Variants in SPECC1 observed in about 807,000 individuals in gnomAD.
SPECC1 encodes sperm antigen with calponin homology and coiled-coil domains 1, also known as cytospin-B.
SPECC1 carries 62 observed loss-of-function variants against 104.1 expected under a neutral mutation model. The observed-to-expected ratio is 0.60, with a 90% CI of 0.49 to 0.74. The LOEUF (loss-of-function observed/expected upper bound fraction) is 0.74. Ranked by LOEUF, SPECC1 falls within the 30% of genes least tolerant of loss-of-function variation. The probability of loss-of-function intolerance (pLI) is 0.00; values close to 1 mark genes in which losing one functional copy is unlikely to be tolerated. For synonymous variants in SPECC1, 513 were observed against 501.6 expected (o/e 1.02, Z -0.30); for missense variants, 1,306 against 1,310.5 (o/e 1.00, Z 0.05).
rs563252148 is a variant in SPECC1, at chr17:20,191,166, A to G, written c.284-13167A>G. On this transcript the variant is annotated intron_variant, in intron 3 of 14. Transcript: ENST00000395527. ...TGGTTGCTTCCAAGTTTTGGCAGTTATGAGTAAAGCTGCTGTAAAGATCCA... is the reference window on the plus strand; with the variant it reads ...TGGTTGCTTCCAAGTTTTGGCAGTTGTGAGTAAAGCTGCTGTAAAGATCCA... Among the ~76,000 whole-genome samples, 8 of 152,316 alleles carry G rather than the reference A, an allele frequency of 5.3e-5. No homozygotes were observed. The East Asian group carries it at 1.5e-3, about 29-fold the overall frequency.
chr17:20,096,946 C>A, intron 2 of SPECC1, 148 bp downstream of exon 2: 2 of 1,053,720 alleles, frequency 1.9e-6, no homozygotes, highest in Non-Finnish European at 2.8e-6. Flanking sequence ...CATGCCTGGA[C>A]ATGAAGGAAT....
In SPECC1 at chr17:20,232,340, G is replaced by C. The variant is rs1250318773; in HGVS notation, c.2286G>C (p.Arg762=). 1.2e-6 allele frequency: 2 copies of C among 1,614,056 alleles called. No individual in the cohort carries two copies. The highest frequency in any genetic ancestry group is 2.7e-5 in the African/African-American group (2 of 75,032). Residue 762 remains arginine (R), a synonymous_variant, in exon 7 of 15, where the codon CGG becomes CGC. Coordinates refer to ENST00000395527, the MANE Select transcript of SPECC1 (RefSeq NM_001243439.2). Reference sequence around the variant, plus strand: ...TGGAGGAGGAGGAGAAGAATGCCCGGTTGCAGAAGGAGCTGGGGGATGTGC... The same window carrying C: ...TGGAGGAGGAGGAGAAGAATGCCCGCTTGCAGAAGGAGCTGGGGGATGTGC... ...KLLEEEEKNA[R]LQKELGDVQG...
At chr17:20,021,011 G>A (rs182557015) in intron 1 of SPECC1, among the ~76,000 whole-genome samples, 13 of 152,284 alleles carry the variant, frequency 8.5e-5, no homozygotes, top group East Asian at 1.9e-4. Context: ...TTTATTTTGC[G>A]TGTGATGTGT....
At chr17:20,017,320 G>A (rs962715543) in intron 1 of SPECC1, 3 of 152,572 alleles carry the variant, frequency 2.0e-5, no homozygotes, top group Non-Finnish European at 4.4e-5. Flanking sequence ...CTCACCAGGA[G>A]GAACGAACAA....
chr17:20,045,490 AAG>A (rs2045504127), intron 1 of SPECC1, among the ~76,000 whole-genome samples: 1 of 152,166 alleles, frequency 6.6e-6, no homozygotes, highest in Non-Finnish European at 1.5e-5. Flanking sequence ...AGTTGTTCTA[AAG>A]AGTTGGTTAA....
In SPECC1 at chr17:20,232,358, G is replaced by T. The variant is rs760244282; in HGVS notation, c.2304G>T (p.Gly768=). Reference sequence around the variant, plus strand: ...ATGCCCGGTTGCAGAAGGAGCTGGGGGATGTGCAGGGCCACGGCAGGGTGG... The same window carrying T: ...ATGCCCGGTTGCAGAAGGAGCTGGGTGATGTGCAGGGCCACGGCAGGGTGG... ...EKNARLQKEL[G]DVQGHGRVVT... Residue 768 remains glycine (G), a synonymous_variant, in exon 7 of 15, where the codon GGG becomes GGT. Transcript: ENST00000395527. The T allele has an allele frequency of 1.9e-6, 3 of 1,613,884 alleles. No individual in the cohort carries two copies. In the East Asian group the frequency reaches 6.7e-5, roughly 36 times the overall value.
rs73307276 is a variant in SPECC1, at chr17:20,279,663, A to G, written c.2941-17298A>G. 9.0e-3 allele frequency among the ~76,000 whole-genome samples: 1,372 copies of G among 152,290 alleles called. 25 individuals are homozygous for G. The highest frequency in any genetic ancestry group is 0.031 in the African/African-American group (1,302 of 41,566). ...TAGTATAAACTAAACTTGATCTTGG[A>G]ACAAAATTCCTTATAATCAATTTTT... On this transcript the variant is annotated intron_variant, in intron 12 of 14. Coordinates refer to ENST00000395527, the MANE Select transcript of SPECC1 (RefSeq NM_001243439.2).
In SPECC1 at chr17:20,306,004, CTT is replaced by C. The variant is rs1567622907; in HGVS notation, c.3058-17_3058-16del. On this transcript the variant is annotated splice_polypyrimidine_tract_variant and intron_variant, in intron 13 of 14. Transcript: ENST00000395527. ...TATTTTAAATTACTGATTCCAGTCT[CTT>C]TGTCTTTTTAACTTAGAAGAGGAAT... 2 of 1,612,094 alleles carry C rather than the reference CTT, an allele frequency of 1.2e-6. No homozygotes were observed. The highest frequency in any genetic ancestry group is 1.7e-6 in the Non-Finnish European group (2 of 1,179,040).
rs983722593 is a variant in SPECC1 at position 20,085,908 on chromosome 17, G to A, written c.-21-10723G>A. ...CAGATGTGAGTTAGGGCCATGCGGC[G>A]ATGATCCAGGTTTTGTTCCTGCATC... On this transcript the variant is annotated intron_variant, in intron 1 of 14. Transcript: ENST00000395527. Among the ~76,000 whole-genome samples the A allele has an allele frequency of 4.1e-4, 62 of 152,344 alleles. 1 individual carries two copies. The highest frequency in any genetic ancestry group is 2.2e-4 in the Non-Finnish European group (15 of 68,034).
intron 1 of SPECC1, among the ~76,000 whole-genome samples, chr17:20,072,473 G>C: frequency 6.6e-6 from 1 of 152,188 alleles, no homozygotes. Flanking sequence ...CCAGGAGAGT[G>C]GGTGTTCCTC....
chr17:20,078,201 G>C (rs551357561), intron 1 of SPECC1, among the ~76,000 whole-genome samples: 57 of 150,828 alleles, frequency 3.8e-4, no homozygotes, highest in African/African-American at 1.4e-3. Context: ...CTTAGCCACA[G>C]AGGGAAAGAA....
At chr17:20,301,839 G>A (rs923473814) in intron 13 of SPECC1, among the ~76,000 whole-genome samples, 2 of 152,054 alleles carry the variant, frequency 1.3e-5, no homozygotes, top group Admixed American at 1.3e-4. Context: ...TCGAGTAGCT[G>A]TGACTACAGG....
At position 20,205,557 on chromosome 17, in the gene SPECC1, A is replaced by T; in HGVS notation, c.1508A>T (p.Gln503Leu). The change falls in exon 4 of 15, where the codon CAA becomes CTA. Residue 503 changes from glutamine (Q) to leucine (L), a missense_variant. By Grantham distance (113) the Gln-to-Leu change is moderately radical. This residue lies in a region of SPECC1 where 1,177 missense variants were observed against 1,139.9 expected (regional missense o/e 1.03). Transcript: ENST00000395527. ...CSLRKVEEEN[Q>L]GALEMIKRLK... is the part of the protein sequence containing the mutation. ...TTGCGGAAGGTTGAGGAAGAAAACC[A>T]AGGAGCTTTAGAAATGATTAAACGT... 6.2e-7 allele frequency: 1 copy of T among 1,614,068 alleles called. No homozygotes were observed. The highest frequency in any genetic ancestry group is 8.5e-7 in the Non-Finnish European group (1 of 1,180,006).
chr17:20,223,895 A>C (rs2038048143), intron 4 of SPECC1, among the ~76,000 whole-genome samples: 1 of 152,064 alleles, frequency 6.6e-6, no homozygotes, highest in South Asian at 2.1e-4. Flanking sequence ...ATGCTTGTGG[A>C]TGTTCATAGA....
At chr17:20,231,737 G>T (rs1009121603) in intron 5 of SPECC1, 21 bp from the exon 6 acceptor site, 1 of 1,612,936 alleles carries the variant, frequency 6.2e-7, no homozygotes, top group African/African-American at 1.3e-5. Context: ...TCTAAGCCCT[G>T]TCTGAATTAT....
intron 1 of SPECC1, among the ~76,000 whole-genome samples, chr17:20,062,811 C>T (rs2046233425): frequency 6.6e-6 from 1 of 151,922 alleles, no homozygotes; most frequent in South Asian, 2.1e-4. Context: ...GCCTCAGCCT[C>T]CCGAGTAGCA....
chr17:20,156,596 C>T (rs1301845550), intron 3 of SPECC1, among the ~76,000 whole-genome samples: 23 of 152,142 alleles, frequency 1.5e-4, no homozygotes, highest in Non-Finnish European at 4.4e-5. Flanking sequence ...AGGGCGTGCC[C>T]CGCGGCCTCT....
At chr17:20,112,760 G>A in intron 3 of SPECC1, 1 of 1,267,852 alleles carries the variant, frequency 7.9e-7, no homozygotes, top group Non-Finnish European at 1.2e-6. Context: ...GAAAGGTGTG[G>A]ATATGGAAGG....
chr17:20,176,178 A>G (rs2034460443), intron 3 of SPECC1, among the ~76,000 whole-genome samples: 1 of 152,292 alleles, frequency 6.6e-6, no homozygotes, highest in Admixed American at 6.5e-5. Flanking sequence ...TGGGGCTGTT[A>G]GTATTTCCTT....
Sources: allele counts gnomAD v4.1 joint callset (sites outside exome capture counted in the v4.1 genomes callset), GRCh38; gene constraint gnomAD v4.1.1; regional missense constraint gnomAD v4.1.1; transcripts MANE v1.5; gene names NCBI Gene and HGNC (gene_info 2026-07-23, HGNC 2026-07-21).